The following NSUN6 variants were observed in gnomAD, a reference collection of about 807,000 sequenced individuals.
NSUN6 encodes tRNA (cytosine(72)-C(5))-methyltransferase NSUN6.
Under a neutral mutation model 58.0 loss-of-function variants are expected in NSUN6, and 64 were observed. The ratio of observed to expected loss-of-function variants is 1.10; its 90% CI spans 0.90 to 1.36. NSUN6 has a LOEUF of 1.36. Ranked by LOEUF, NSUN6 falls within the 40% of genes most tolerant of loss-of-function variation. The pLI is 0.00. For missense variants in NSUN6, 701 were observed against 550.1 expected (o/e 1.27, Z -2.74); for synonymous variants, 231 against 193.9 (o/e 1.19, Z -1.59).
At chr10:18,656,059 G>A (rs2059773959), upstream of NSUN6, among the ~76,000 whole-genome samples, 1 of 152,178 alleles carries the variant, frequency 6.6e-6, no homozygotes, top group Admixed American at 6.5e-5. Context: ...TTTTCGTAAT[G>A]ATAGGAGCGA....
chr10:18,568,162 T>C (rs2056102379), intron 8 of NSUN6, among the ~76,000 whole-genome samples: 1 of 151,400 alleles, frequency 6.6e-6, no homozygotes, highest in African/African-American at 2.4e-5. Flanking sequence ...CATTCTCCAT[T>C]CCATTATCCA....
In NSUN6 at chr10:18,556,040, G is replaced by A. The variant is rs1361372097; in HGVS notation, c.923-4069C>T. Among the ~76,000 whole-genome samples, 4 of 150,806 alleles carry A rather than the reference G, an allele frequency of 2.7e-5. No homozygotes were observed. The East Asian group carries it at 7.9e-4, about 30-fold the overall frequency. On this transcript the variant is annotated intron_variant, in intron 8 of 10. Coordinates refer to ENST00000377304, the MANE Select transcript of NSUN6 (RefSeq NM_182543.5). ...TGAAATGAAGACTGGAATGGAGAAT[G>A]GTGTGGAATGGAAGGGAAAATGGAG...
chr10:18,555,894 AGAATGGAATGGAGAATG>A (rs2054971546), intron 8 of NSUN6, among the ~76,000 whole-genome samples: 2 of 132,328 alleles, frequency 1.5e-5, no homozygotes, highest in African/African-American at 5.5e-5. Context: ...AATGGAGAAT[AGAATGGAATGGAGAATG>A]GAATGGAATG....
At chr10:18,570,377 C>T (rs1564736817) in intron 8 of NSUN6, among the ~76,000 whole-genome samples, 1 of 149,646 alleles carries the variant, frequency 6.7e-6, no homozygotes, top group African/African-American at 2.4e-5. Flanking sequence ...TCTATTTAAT[C>T]CTCCATTCCA....
chr10:18,602,090 GT>G (rs1161707916), intron 6 of NSUN6, among the ~76,000 whole-genome samples: 1 of 151,604 alleles, frequency 6.6e-6, no homozygotes, highest in Non-Finnish European at 1.5e-5. Flanking sequence ...TTGAGATGGT[GT>G]TTCGCTCTGT....
chr10:18,617,766 A>G (rs2058464610), intron 3 of NSUN6, among the ~76,000 whole-genome samples: 1 of 152,122 alleles, frequency 6.6e-6, no homozygotes, highest in Non-Finnish European at 1.5e-5. Context: ...CAGTGTTGGA[A>G]TATGAGGCCT....
intron 4 of NSUN6, 101 bp from the exon 5 acceptor site, chr10:18,614,714 T>C (rs1564803860): frequency 8.5e-6 from 4 of 470,764 alleles, no homozygotes. Flanking sequence ...GCATCAATAG[T>C]GGGCATGAAG....
chr10:18,545,980 A>G lies in NSUN6; in HGVS notation c.1363T>C (p.Ser455Pro). The change falls in exon 11 of 11, where the codon TCT becomes CCT. Residue 455 changes from serine to proline, a missense_variant. By Grantham distance (74) the Ser-to-Pro change is moderately conservative (BLOSUM62 -1). Transcript: ENST00000377304. ...AATTTTGCAATAAAAAAACCTATAG[A>G]GTCCTTATTAGCCAGACGCAACATG... ...EDMLRLANKDSIGFFIAKFVK... is the reference protein window; with the variant it reads ...EDMLRLANKDPIGFFIAKFVK... 1 of 1,583,926 alleles carries G rather than the reference A, an allele frequency of 6.3e-7. No homozygotes were observed. The highest frequency in any genetic ancestry group is 1.2e-5 in the South Asian group (1 of 85,428).
intron 7 of NSUN6, among the ~76,000 whole-genome samples, chr10:18,592,531 G>A (rs1376583245): frequency 6.6e-6 from 1 of 152,092 alleles, no homozygotes; most frequent in African/African-American, 2.4e-5. Flanking sequence ...ATAGACCAAT[G>A]TAACAGAACA....
intron 8 of NSUN6, among the ~76,000 whole-genome samples, chr10:18,579,466 G>A (rs532910492): frequency 6.6e-6 from 1 of 152,204 alleles, no homozygotes; most frequent in East Asian, 1.9e-4. Flanking sequence ...CACGTCGCCC[G>A]GCCTCATATT....
intron 8 of NSUN6, among the ~76,000 whole-genome samples, chr10:18,570,891 T>C (rs530390656): frequency 7.3e-5 from 11 of 151,704 alleles, no homozygotes; most frequent in African/African-American, 2.7e-4. Context: ...GCATTCTCCA[T>C]TCCATTCCAT....
intron 8 of NSUN6, among the ~76,000 whole-genome samples, chr10:18,558,137 C>A (rs1159025343): frequency 7.4e-6 from 1 of 135,856 alleles, no homozygotes; most frequent in Non-Finnish European, 1.6e-5. Flanking sequence ...GAATGGAATG[C>A]GAATAGAATG....
chr10:18,563,330 C>G (rs552433865), intron 8 of NSUN6, among the ~76,000 whole-genome samples: 2 of 146,082 alleles, frequency 1.4e-5, no homozygotes, highest in East Asian at 2.1e-4. Flanking sequence ...TAATTGATTA[C>G]AGAATGGAAT....
At chr10:18,588,168 A>G (rs2057241793) in intron 7 of NSUN6, among the ~76,000 whole-genome samples, 1 of 152,186 alleles carries the variant, frequency 6.6e-6, no homozygotes, top group Non-Finnish European at 1.5e-5. Flanking sequence ...ACTGGGAAGA[A>G]TTGACCGCAG....
At chr10:18,591,319 C>T (rs771836746) in intron 7 of NSUN6, among the ~76,000 whole-genome samples, 6 of 152,236 alleles carry the variant, frequency 3.9e-5, no homozygotes, top group African/African-American at 7.2e-5. Context: ...GAGGAGCTGG[C>T]ACCATTCCTT....
At chr10:18,580,953 A>C (rs776845813) in intron 8 of NSUN6, among the ~76,000 whole-genome samples, 7 of 152,230 alleles carry the variant, frequency 4.6e-5, no homozygotes, top group Non-Finnish European at 1.0e-4. Context: ...AGTTTAAAGC[A>C]TAAATGAAAG....
At chr10:18,606,663 G>A (rs1016464629) in intron 6 of NSUN6, among the ~76,000 whole-genome samples, 4 of 152,096 alleles carry the variant, frequency 2.6e-5, no homozygotes, top group Admixed American at 2.6e-4. Flanking sequence ...AGAAATGACT[G>A]TCTTTGCAAA....
chr10:18,550,010 C>T (rs1384113863), intron 9 of NSUN6, among the ~76,000 whole-genome samples: 1 of 152,188 alleles, frequency 6.6e-6, no homozygotes, highest in Non-Finnish European at 1.5e-5. Context: ...GGTGGAAGAG[C>T]CATGGCTCAA....
chr10:18,659,089 G>A (rs570828630), upstream of NSUN6: 1 of 153,236 alleles, frequency 6.5e-6, no homozygotes, highest in South Asian at 1.9e-4. Flanking sequence ...GGAAGCAGCT[G>A]CTAGCAGCAG....
Sources: allele counts gnomAD v4.1 joint callset (sites outside exome capture counted in the v4.1 genomes callset), GRCh38; gene constraint gnomAD v4.1.1; transcripts MANE v1.5; gene names NCBI Gene and HGNC (gene_info 2026-07-23, HGNC 2026-07-21).